GALNT17: variants seen among roughly 807,000 people sequenced by gnomAD.
The protein encoded by GALNT17 is polypeptide N-acetylgalactosaminyltransferase 17, also known as UDP-GalNAc:polypeptide N-acetylgalactosaminyltransferase-like 3.
Under a neutral mutation model 63.7 loss-of-function variants are expected in GALNT17, and 29 were observed. That is an observed-to-expected ratio of 0.46 (90% CI 0.34 to 0.62). The LOEUF is 0.62. Among genes scored for constraint, GALNT17 ranks in the 20% least tolerant of loss-of-function variants. The pLI, the probability that GALNT17 is intolerant of heterozygous loss-of-function variation, is 0.01. For missense variants in GALNT17, 603 were observed against 799.6 expected, an observed-to-expected ratio of 0.75 and a Z score of 2.97; for synonymous variants, 305 against 318.3, an observed-to-expected ratio of 0.96 and a Z score of 0.45.
At chr7:71,515,732 A>G (rs899159244) in intron 5 of GALNT17, among the ~76,000 whole-genome samples, 8 of 152,234 alleles carry the variant, frequency 5.3e-5, no homozygotes, top group African/African-American at 1.7e-4. Context: ...AAAGTATCTG[A>G]GACAGGTCTC....
intron 1 of GALNT17, among the ~76,000 whole-genome samples, chr7:71,324,292 A>G (rs1200751527): frequency 6.6e-6 from 1 of 152,044 alleles, no homozygotes; most frequent in African/African-American, 2.4e-5. Flanking sequence ...CGGTGGCTTG[A>G]GCTTGCATCT....
intron 9 of GALNT17, among the ~76,000 whole-genome samples, chr7:71,696,759 C>T (rs114683269): frequency 0.022 from 3,334 of 152,148 alleles, 137 homozygotes; most frequent in African/African-American, 0.076. Context: ...TGGATAATGA[C>T]GTTCATTTCT....
intron 1 of GALNT17, among the ~76,000 whole-genome samples, chr7:71,142,542 G>C (rs1787935608): frequency 6.6e-6 from 1 of 152,252 alleles, no homozygotes; most frequent in Admixed American, 6.5e-5. Flanking sequence ...GCGTAGACTA[G>C]ATGCTAAGAG....
At chr7:71,600,488 C>T (rs769231891) in intron 6 of GALNT17, among the ~76,000 whole-genome samples, 1 of 152,032 alleles carries the variant, frequency 6.6e-6, no homozygotes, top group South Asian at 2.1e-4. Context: ...CCCACGTGCC[C>T]GGTACCGTGC....
chr7:71,153,939 TAAAAAATA>T (rs1027139155), intron 1 of GALNT17, among the ~76,000 whole-genome samples: 6 of 131,746 alleles, frequency 4.6e-5, no homozygotes, highest in African/African-American at 1.4e-4. Context: ...AAAATAAAAA[TAAAAAATA>T]AAAAAATAAA....
chr7:71,452,686 G>A (rs1164846136), intron 5 of GALNT17, among the ~76,000 whole-genome samples: 1 of 152,160 alleles, frequency 6.6e-6, no homozygotes, highest in Non-Finnish European at 1.5e-5. Flanking sequence ...TGCTTCCTTG[G>A]TTTGTTCCTG....
chr7:71,175,721 C>A (rs1440351379), intron 1 of GALNT17, among the ~76,000 whole-genome samples: 3 of 151,970 alleles, frequency 2.0e-5, no homozygotes, highest in Non-Finnish European at 4.4e-5. Context: ...AACAGATTGT[C>A]CAAAAACTTA....
At chr7:71,191,018 G>C (rs927245914) in intron 1 of GALNT17, among the ~76,000 whole-genome samples, 12 of 152,084 alleles carry the variant, frequency 7.9e-5, no homozygotes, top group African/African-American at 2.9e-4. Context: ...TCCTGCCCTT[G>C]TGTTTCTTGG....
intron 5 of GALNT17, among the ~76,000 whole-genome samples, chr7:71,457,948 C>G (rs918826175): frequency 8.5e-5 from 13 of 152,138 alleles, no homozygotes; most frequent in Non-Finnish European, 1.8e-4. Flanking sequence ...TTATCCAGAA[C>G]AGCAGGCATC....
intron 5 of GALNT17, among the ~76,000 whole-genome samples, chr7:71,550,412 G>A (rs767743678): frequency 5.3e-5 from 8 of 151,750 alleles, no homozygotes; most frequent in Non-Finnish European, 8.8e-5. Flanking sequence ...ATGGAGTCTC[G>A]CTCTGTCCCC....
chr7:71,347,048 C>G (rs1792108998), intron 2 of GALNT17, among the ~76,000 whole-genome samples: 1 of 152,068 alleles, frequency 6.6e-6, no homozygotes, highest in Non-Finnish European at 1.5e-5. Context: ...TAACGCAGGT[C>G]TTCACGCAGC....
chr7:71,194,740 T>G (rs1220495156), intron 1 of GALNT17, among the ~76,000 whole-genome samples: 1 of 152,208 alleles, frequency 6.6e-6, no homozygotes, highest in African/African-American at 2.4e-5. Flanking sequence ...AAACTTTATT[T>G]ATTACCAAAA....
intron 1 of GALNT17, among the ~76,000 whole-genome samples, chr7:71,266,177 A>C (rs1267510660): frequency 6.8e-6 from 1 of 146,210 alleles, no homozygotes; most frequent in Non-Finnish European, 1.5e-5. Flanking sequence ...TGATATCATC[A>C]GGCCCACCCA....
intron 2 of GALNT17, among the ~76,000 whole-genome samples, chr7:71,376,822 G>A (rs927013082): frequency 2.6e-5 from 4 of 151,102 alleles, no homozygotes; most frequent in African/African-American, 9.7e-5. Flanking sequence ...TCATGGTGTC[G>A]TGCCTGTAAT....
chr7:71,512,638 G>A (rs1218174531), intron 5 of GALNT17, among the ~76,000 whole-genome samples: 1 of 152,176 alleles, frequency 6.6e-6, no homozygotes, highest in Non-Finnish European at 1.5e-5. Context: ...CATTGAGGCT[G>A]GAGCTATTTT....
intron 1 of GALNT17, among the ~76,000 whole-genome samples, chr7:71,179,207 T>G (rs1788692889): frequency 6.6e-6 from 1 of 151,038 alleles, no homozygotes; most frequent in South Asian, 2.1e-4. Context: ...AATGCATATC[T>G]GATCGCCTCC....
intron 5 of GALNT17, among the ~76,000 whole-genome samples, chr7:71,510,534 G>A (rs764297683): frequency 6.6e-6 from 1 of 152,052 alleles, no homozygotes; most frequent in South Asian, 2.1e-4. Flanking sequence ...AGACTCATAG[G>A]CCAAGGTCAT....
intron 5 of GALNT17, among the ~76,000 whole-genome samples, chr7:71,499,250 G>A (rs1788142809): frequency 6.6e-6 from 1 of 152,158 alleles, no homozygotes; most frequent in Non-Finnish European, 1.5e-5. Flanking sequence ...TTGGGGAGTG[G>A]AGTGGAGTCA....
rs188290319 is a variant in GALNT17 at position 71,411,786 on chromosome 7, C to T, written c.590-4103C>T. ...TTTGTCTTGATCAACGGACCATTCT[C>T]AGCTTGCATTTTCTCTAATGCATTT... On this transcript the variant is annotated intron_variant, in intron 3 of 10. Transcript: ENST00000333538. 2.5e-4 allele frequency among the ~76,000 whole-genome samples: 38 copies of T among 152,354 alleles called. 4 individuals carry two copies. The East Asian group carries it at 2.9e-3, about 12-fold the overall frequency.
Sources: allele counts gnomAD v4.1 joint callset (sites outside exome capture counted in the v4.1 genomes callset), GRCh38; gene constraint gnomAD v4.1.1; transcripts MANE v1.5; gene names NCBI Gene and HGNC (gene_info 2026-07-23, HGNC 2026-07-21).